MPP4: variants seen among roughly 807,000 people sequenced by gnomAD.
MPP4 encodes MAGUK p55 scaffold protein 4.
A neutral mutation model predicts 98.3 loss-of-function variants in MPP4; 91 were observed. The ratio of observed to expected loss-of-function variants is 0.93; its 90% CI spans 0.78 to 1.10. The LOEUF (loss-of-function observed/expected upper bound fraction) is 1.10. Among genes scored for constraint, MPP4 ranks in the 50% least tolerant of loss-of-function variants. The pLI is 0.00. For missense variants in MPP4, 744 were observed against 792.9 expected (o/e 0.94, Z 0.74); for synonymous variants, 261 against 271.8 (o/e 0.96, Z 0.39).
chr2:201,665,808 C>T (rs922986968), intron 13 of MPP4: 6 of 152,144 alleles, frequency 3.9e-5, no homozygotes, highest in African/African-American at 1.4e-4. Flanking sequence ...GATTCTTAAG[C>T]CAATCTTAGT....
At chr2:201,654,446 G>GA (rs912061078) in intron 18 of MPP4, among the ~76,000 whole-genome samples, 12 of 152,072 alleles carry the variant, frequency 7.9e-5, no homozygotes, top group African/African-American at 2.4e-4. Flanking sequence ...TTAAGAAATA[G>GA]AAAAAAGCCA....
rs146025636 is a variant in MPP4, at chr2:201,679,594, G to A, written c.929+1244C>T. 1.8e-3 allele frequency among the ~76,000 whole-genome samples: 269 copies of A among 152,198 alleles called. 1 individual carries two copies. The highest frequency in any genetic ancestry group is 0.014 in the Middle Eastern group (4 of 294). ...ATGGATGAGCTGTTTATGGTCCTAG[G>A]TCAGGCCAAGCTCTCTTCTTGAATA... is the stretch of plus-strand genomic sequence containing the variant. On this transcript the variant is annotated intron_variant, in intron 10 of 21. Transcript: ENST00000409474.
intron 2 of MPP4, 142 bp from the exon 3 acceptor site, chr2:201,693,171 C>A (rs911770267): frequency 4.6e-5 from 43 of 937,164 alleles, no homozygotes; most frequent in Admixed American, 1.8e-4. Context: ...TGACTTCAAG[C>A]CCTGTTCCAC....
intron 16 of MPP4, 140 bp downstream of exon 16, chr2:201,658,337 G>T: frequency 1.5e-6 from 1 of 684,054 alleles, no homozygotes. Context: ...CAAGAAAAAA[G>T]GACAGAAAGA....
rs1246462726 is a variant in MPP4, at chr2:201,687,379, A to G, written c.280-8T>C. On this transcript the variant is annotated splice_polypyrimidine_tract_variant and splice_region_variant and intron_variant, in intron 4 of 21. Coordinates refer to ENST00000409474, the MANE Select transcript of MPP4 (RefSeq NM_033066.3). The stretch of plus-strand genomic sequence containing the variant: ...ACGTAATAACTCCACTACCTGGTTC[A>G]TGGAAAAGGATACATTATAAAAATT... 6.4e-7 allele frequency: 1 copy of G among 1,562,506 alleles called. No homozygotes were observed. The highest frequency in any genetic ancestry group is 1.4e-5 in the African/African-American group (1 of 73,560).
chr2:201,675,360 CAG>C (rs1688481184), intron 10 of MPP4, 89 bp from the exon 11 acceptor site: 1 of 1,276,220 alleles, frequency 7.8e-7, no homozygotes, highest in South Asian at 1.3e-5. Context: ...CAACGACAAA[CAG>C]AATGTTTCTT....
At chr2:201,677,041 T>C (rs534885910) in intron 10 of MPP4, among the ~76,000 whole-genome samples, 152 of 152,386 alleles carry the variant, frequency 1.0e-3, no homozygotes, top group African/African-American at 3.2e-3. Context: ...TCTTGATTCC[T>C]AGTTAGGTGA....
chr2:201,657,099 G>A (rs530128690), intron 16 of MPP4, among the ~76,000 whole-genome samples: 6 of 152,274 alleles, frequency 3.9e-5, no homozygotes, highest in South Asian at 2.1e-4. Flanking sequence ...GGTGTAAACC[G>A]TAGGGAGAGC....
chr2:201,694,295 T>A (rs1689116221), intron 1 of MPP4, among the ~76,000 whole-genome samples: 1 of 152,178 alleles, frequency 6.6e-6, no homozygotes. Context: ...TTTTTAGAAG[T>A]AAATGACAAA....
rs532633978 is a variant in MPP4, at chr2:201,649,650, A to G, written c.1510T>C (p.Tyr504His). 8 of 1,611,098 alleles carry G rather than the reference A, an allele frequency of 5.0e-6. No individual in the cohort carries two copies. The African/African-American group carries it at 9.3e-5, about 19-fold the overall frequency. ...TGAACAGCATCCACACTAGTGCCATACAGGTGGCCTTTGTACTCACCATAC... is the reference window on the plus strand; with the variant it reads ...TGAACAGCATCCACACTAGTGCCATGCAGGTGGCCTTTGTACTCACCATAC... Reference protein sequence around the residue: ...LEYGEYKGHLYGTSVDAVQTV... With the variant: ...LEYGEYKGHLHGTSVDAVQTV... The change falls in exon 20 of 22, where the codon TAT becomes CAT. Residue 504 changes from tyrosine (Y) to histidine (H), a missense_variant. Transcript: ENST00000409474.
At chr2:201,647,335 A>T (rs543276132) in intron 21 of MPP4, among the ~76,000 whole-genome samples, 12 of 151,690 alleles carry the variant, frequency 7.9e-5, no homozygotes, top group African/African-American at 2.9e-4. Context: ...CGGCTCAAGG[A>T]TTTTTTTTTA....
intron 1 of MPP4, chr2:201,698,012 T>C (rs1391421073): frequency 5.1e-6 from 5 of 985,318 alleles, no homozygotes; most frequent in Non-Finnish European, 6.0e-6. Context: ...GAATTCTTGA[T>C]TGAGACTGCA....
intron 13 of MPP4, chr2:201,664,389 C>G: frequency 7.5e-7 from 1 of 1,324,718 alleles, no homozygotes; most frequent in Non-Finnish European, 1.0e-6. Context: ...TAAAAAGCAG[C>G]TCAGAGGGAA....
chr2:201,652,059 A>T (rs1371707536), intron 18 of MPP4: 1 of 959,434 alleles, frequency 1.0e-6, no homozygotes. Context: ...ACATGAAAGC[A>T]GTACTTCAGA....
At position 201,645,219 on chromosome 2, in the gene MPP4, C is replaced by A; in HGVS notation, c.1905G>T (p.Glu635Asp). The A allele has an allele frequency of 6.2e-7, 1 of 1,612,214 alleles. No individual in the cohort carries two copies. The highest frequency in any genetic ancestry group is 1.1e-5 in the South Asian group (1 of 90,678). Residue 635 changes from glutamate to aspartate, a missense_variant, in exon 22 of 22, where the codon GAG (glutamate) becomes GAT (aspartate). Glu to Asp is a conservative substitution (Grantham distance 45, BLOSUM62 2). Transcript: ENST00000409474. Reference protein sequence around the residue: ...VPATWISSDTESQ With the variant: ...VPATWISSDTDSQ ...CATTAAACAAGAAGTCTCATTGAGA[C>A]TCAGTATCTGAGGAAATCCATGTTG...
intron 20 of MPP4, 34 bp from the exon 21 acceptor site, chr2:201,647,859 T>C (rs770325022): frequency 5.1e-6 from 8 of 1,556,680 alleles, no homozygotes. Context: ...ATTTATTTTT[T>C]GTTTGTTTTG....
intron 18 of MPP4, among the ~76,000 whole-genome samples, chr2:201,653,691 A>AT (rs1687779781): frequency 6.6e-6 from 1 of 152,092 alleles, no homozygotes; most frequent in Non-Finnish European, 1.5e-5. Context: ...GATCTTTTCT[A>AT]TTTTTACAAT....
rs373348621 is a variant in MPP4, at chr2:201,683,311, A to C, written c.575-395T>G. 2.1e-4 allele frequency among the ~76,000 whole-genome samples: 32 copies of C among 152,368 alleles called. No individual in the cohort carries two copies. The East Asian group carries it at 5.2e-3, about 25-fold the overall frequency. ...GTGGAGAAACTTGGGGTTTAAGTGA[A>C]GACTTGAGAAATGTGAGGTAAAACA... On this transcript the variant is annotated intron_variant, in intron 7 of 21. Transcript: ENST00000409474.
intron 5 of MPP4, 25 bp from the exon 6 acceptor site, chr2:201,686,075 A>C: frequency 6.2e-7 from 1 of 1,607,420 alleles, no homozygotes; most frequent in Non-Finnish European, 8.5e-7. Flanking sequence ...GGAAAAGGTG[A>C]GCAAATGTCA....
Sources: gnomAD v4.1 joint callset for allele counts (sites outside exome capture counted in the v4.1 genomes callset) on GRCh38, gnomAD v4.1.1 for gene constraint, MANE v1.5 for transcripts, NCBI Gene and HGNC (gene_info 2026-07-23, HGNC 2026-07-21) for gene names.